Variants in MYO1D observed in about 807,000 individuals in gnomAD.
The protein encoded by MYO1D is unconventional myosin-Id.
In MYO1D, 83 loss-of-function variants were observed where a neutral mutation model predicts 122.0. The observed-to-expected ratio is 0.68, with a 90% CI of 0.57 to 0.82. The LOEUF is 0.82. Among genes scored for constraint, MYO1D ranks in the 40% least tolerant of loss-of-function variants. MYO1D has a pLI of 0.00. For missense variants in MYO1D, 1,157 were observed against 1,269.5 expected (o/e 0.91, Z 1.35); for synonymous variants, 464 against 446.9 (o/e 1.04, Z -0.48).
intron 21 of MYO1D, among the ~76,000 whole-genome samples, chr17:32,538,304 A>G (rs2706756): frequency 1.3e-5 from 2 of 149,042 alleles, no homozygotes; most frequent in Non-Finnish European, 3.0e-5. Context: ...TTTTAGAGAC[A>G]GGGTCTAGCT....
intron 1 of MYO1D, among the ~76,000 whole-genome samples, chr17:32,867,495 C>T (rs2091137476): frequency 6.6e-6 from 1 of 152,018 alleles, no homozygotes; most frequent in South Asian, 2.1e-4. Flanking sequence ...ACTAAGCACA[C>T]TGTAAGAATT....
At chr17:32,702,335 AG>A (rs1324121486) in intron 16 of MYO1D, among the ~76,000 whole-genome samples, 1 of 152,216 alleles carries the variant, frequency 6.6e-6, no homozygotes, top group Non-Finnish European at 1.5e-5. Context: ...TTAGTTTGCT[AG>A]GGGAATGTCA....
chr17:32,515,930 G>A (rs1909876250), intron 21 of MYO1D, among the ~76,000 whole-genome samples: 1 of 152,156 alleles, frequency 6.6e-6, no homozygotes, highest in African/African-American at 2.4e-5. Context: ...TCTCATTGCG[G>A]TAAAAGAGCC....
intron 1 of MYO1D, among the ~76,000 whole-genome samples, chr17:32,846,190 G>A (rs1045455721): frequency 1.3e-5 from 2 of 152,190 alleles, no homozygotes; most frequent in African/African-American, 2.4e-5. Context: ...TTTGGGCTTC[G>A]TCACACAAGA....
At chr17:32,669,781 A>G (rs2088684779) in intron 16 of MYO1D, among the ~76,000 whole-genome samples, 1 of 152,262 alleles carries the variant, frequency 6.6e-6, no homozygotes, top group Non-Finnish European at 1.5e-5. Flanking sequence ...GCTATTGTGT[A>G]TAAAGCTTAC....
At chr17:32,753,888 C>T (rs1344653028) in intron 11 of MYO1D, among the ~76,000 whole-genome samples, 3 of 148,448 alleles carry the variant, frequency 2.0e-5, no homozygotes, top group Non-Finnish European at 4.4e-5. Context: ...CAGAGTGAGA[C>T]TCCATCTCAA....
rs999328397 is a variant in MYO1D, at chr17:32,719,978, T to C, written c.1913+1045A>G. ...CCTCTGCCCCATCTTCTCTTTGCTC[T>C]GATCTTTGTATGGCTGGCTGCTTCC... On this transcript the variant is annotated intron_variant, in intron 15 of 21. Transcript: ENST00000318217. 2.6e-5 allele frequency among the ~76,000 whole-genome samples: 4 copies of C among 152,238 alleles called. No individual in the cohort carries two copies. The East Asian group carries it at 5.8e-4, about 22-fold the overall frequency.
At chr17:32,752,853 T>C (rs1411637824) in intron 11 of MYO1D, among the ~76,000 whole-genome samples, 1 of 152,204 alleles carries the variant, frequency 6.6e-6, no homozygotes, top group African/African-American at 2.4e-5. Context: ...GGAAACAGTA[T>C]GGAGACTTCT....
intron 11 of MYO1D, among the ~76,000 whole-genome samples, chr17:32,754,113 G>A (rs1386724291): frequency 6.6e-6 from 1 of 152,154 alleles, no homozygotes; most frequent in Non-Finnish European, 1.5e-5. Flanking sequence ...CTGATTAAAT[G>A]TCTACCATCT....
intron 1 of MYO1D, among the ~76,000 whole-genome samples, chr17:32,866,322 T>A (rs1291265075): frequency 6.6e-6 from 1 of 152,190 alleles, no homozygotes; most frequent in Non-Finnish European, 1.5e-5. Flanking sequence ...GACCCAAAGA[T>A]AAACCAGAGA....
intron 1 of MYO1D, among the ~76,000 whole-genome samples, chr17:32,809,648 A>C (rs1265846725): frequency 6.6e-6 from 1 of 152,098 alleles, no homozygotes; most frequent in Non-Finnish European, 1.5e-5. Flanking sequence ...CATGTTGGCC[A>C]AGCTGGTCTC....
At chr17:32,688,920 AGTGTGTGTGTGTGT>A (rs3079901) in intron 16 of MYO1D, among the ~76,000 whole-genome samples, 1 of 146,456 alleles carries the variant, frequency 6.8e-6, no homozygotes, top group East Asian at 2.0e-4. Flanking sequence ...TGATTTTTGA[AGTGTGTGTGTGTGT>A]GTGTGTGTGT....
At chr17:32,705,627 A>AT (rs887920266) in intron 16 of MYO1D, among the ~76,000 whole-genome samples, 8 of 152,132 alleles carry the variant, frequency 5.3e-5, no homozygotes, top group Admixed American at 6.5e-5. Flanking sequence ...AAGACTATAC[A>AT]TTTTTTTATG....
At chr17:32,562,962 C>G (rs1005725882) in intron 21 of MYO1D, among the ~76,000 whole-genome samples, 2 of 152,018 alleles carry the variant, frequency 1.3e-5, no homozygotes, top group African/African-American at 4.8e-5. Flanking sequence ...AAATGGTTTT[C>G]TAGATTTATA....
chr17:32,756,247 G>A (rs1452627040), intron 10 of MYO1D: 4 of 228,558 alleles, frequency 1.8e-5, no homozygotes, highest in African/African-American at 2.2e-5. Flanking sequence ...AGATGGAAGG[G>A]GTGGAACTGT....
chr17:32,615,978 T>G (rs2087764322), intron 20 of MYO1D, among the ~76,000 whole-genome samples: 1 of 152,126 alleles, frequency 6.6e-6, no homozygotes, highest in Non-Finnish European at 1.5e-5. Flanking sequence ...CATGGCAAAA[T>G]GCAAAGAGGC....
At chr17:32,873,040 A>T (rs1365149433) in intron 1 of MYO1D, among the ~76,000 whole-genome samples, 1 of 152,228 alleles carries the variant, frequency 6.6e-6, no homozygotes, top group East Asian at 1.9e-4. Context: ...AAGTTGCATC[A>T]ATTGTGGCAG....
Position 32,533,059 on chromosome 17 carries a change from ACT to A in MYO1D, c.2865-38146_2865-38145del, listed in dbSNP as rs145534306. Among the ~76,000 whole-genome samples, 488 of 151,864 alleles carry A rather than the reference ACT, an allele frequency of 3.2e-3. 5 individuals are homozygous for A. Among genetic ancestry groups the A allele is most frequent in the African/African-American group, 0.011 (441 of 41,374 alleles). ...AGGCACAGCGTGTTCTGGTCTTCCT[ACT>A]CTTTTACCATTCCTTTTGTCTCCTC... is the stretch of plus-strand genomic sequence containing the variant. On this transcript the variant is annotated intron_variant, in intron 21 of 21. Coordinates refer to ENST00000318217, the MANE Select transcript of MYO1D (RefSeq NM_015194.3).
chr17:32,831,351 T>C (rs2090770019), intron 1 of MYO1D, among the ~76,000 whole-genome samples: 1 of 152,232 alleles, frequency 6.6e-6, no homozygotes, highest in Non-Finnish European at 1.5e-5. Context: ...GCAAGAAACC[T>C]ATGAAAAGTA....
Sources: allele counts gnomAD v4.1 joint callset (sites outside exome capture counted in the v4.1 genomes callset), GRCh38; gene constraint gnomAD v4.1.1; transcripts MANE v1.5; gene names NCBI Gene and HGNC (gene_info 2026-07-23, HGNC 2026-07-21).